CDH22: variants seen among roughly 807,000 people sequenced by gnomAD.
CDH22 encodes the protein cadherin 22.
In CDH22, 30 loss-of-function variants were observed where a neutral mutation model predicts 58.4. That is an observed-to-expected ratio of 0.51 (90% CI 0.38 to 0.70). The LOEUF (loss-of-function observed/expected upper bound fraction) is 0.70, where lower values mean the gene tolerates loss of function less well. Among genes scored for constraint, CDH22 ranks in the 30% least tolerant of loss-of-function variants. CDH22 has a pLI of 0.00. For synonymous variants in CDH22, 513 were observed against 558.2 expected (o/e 0.92, Z 1.14); for missense variants, 1,014 against 1,233.9 (o/e 0.82, Z 2.67).
intron 1 of CDH22, among the ~76,000 whole-genome samples, chr20:46,254,972 G>A (rs2086399470): frequency 6.6e-6 from 1 of 152,188 alleles, no homozygotes; most frequent in African/African-American, 2.4e-5. Flanking sequence ...TAGAAGGGCT[G>A]TCCAAGGCAA....
intron 7 of CDH22, among the ~76,000 whole-genome samples, chr20:46,203,922 G>A (rs371362027): frequency 6.6e-6 from 1 of 152,162 alleles, no homozygotes; most frequent in South Asian, 2.1e-4. Flanking sequence ...TGGGGGAATA[G>A]GGAGAGAATA....
chr20:46,206,934 A>C (rs1482317706), intron 7 of CDH22, among the ~76,000 whole-genome samples: 1 of 151,938 alleles, frequency 6.6e-6, no homozygotes, highest in Non-Finnish European at 1.5e-5. Flanking sequence ...AGCGAGCTGG[A>C]CTCTGGCAGC....
chr20:46,308,035 G>A lies in CDH22; in HGVS notation c.-400+220C>T, dbSNP rs1202179661. Among the ~76,000 whole-genome samples, 1 of 151,710 alleles carries A rather than the reference G, an allele frequency of 6.6e-6. No homozygotes were observed. Among genetic ancestry groups the A allele is most frequent in the Non-Finnish European group, 1.5e-5 (1 of 67,826 alleles). ...GAGAGGCGGCTCGGCTCCGCGCCGG[G>A]GAAAGTTTGGACGTGGGAAACTCCC... On this transcript the variant is annotated intron_variant, in intron 1 of 11. Coordinates refer to ENST00000537909, the MANE Select transcript of CDH22 (RefSeq NM_021248.3). The surrounding 1 kb of genome is among the most constrained non-coding windows in gnomAD (Gnocchi z 4.3).
intron 1 of CDH22, among the ~76,000 whole-genome samples, chr20:46,277,102 G>C (rs540619483): frequency 2.7e-5 from 4 of 150,756 alleles, no homozygotes; most frequent in Admixed American, 2.6e-4. Flanking sequence ...CAGCCTAGGC[G>C]ACATAGCGAG....
chr20:46,285,536 C>G lies in CDH22; in HGVS notation c.-400+22719G>C, dbSNP rs901696273. 2.6e-5 allele frequency among the ~76,000 whole-genome samples: 4 copies of G among 152,290 alleles called. No homozygotes were observed. In the East Asian group the frequency reaches 7.7e-4, roughly 29 times the overall value. On this transcript the variant is annotated intron_variant, in intron 1 of 11. Coordinates refer to ENST00000537909, the MANE Select transcript of CDH22 (RefSeq NM_021248.3). Reference sequence around the variant, plus strand: ...CCAAAGTGCCCAGGACACCTTCCCCCCAAACACCCATACACAAAATAATTA... The same window carrying G: ...CCAAAGTGCCCAGGACACCTTCCCCGCAAACACCCATACACAAAATAATTA...
chr20:46,199,907 T>C (rs1600693062), intron 7 of CDH22, among the ~76,000 whole-genome samples: 1 of 151,470 alleles, frequency 6.6e-6, no homozygotes, highest in Non-Finnish European at 1.5e-5. Context: ...TCTTTTCTTT[T>C]CTTCTTTCTT....
intron 1 of CDH22, among the ~76,000 whole-genome samples, chr20:46,302,356 C>A (rs2086656038): frequency 6.6e-6 from 1 of 152,108 alleles, no homozygotes; most frequent in Non-Finnish European, 1.5e-5. Context: ...ACAGCAGCAG[C>A]CTTCTACGCA....
At chr20:46,197,317 T>TATATATAC (rs573324791) in intron 8 of CDH22, among the ~76,000 whole-genome samples, 20 of 148,238 alleles carry the variant, frequency 1.3e-4, no homozygotes, top group African/African-American at 4.4e-4. Context: ...TATATATATA[T>TATATATAC]ACATATGAAG....
In CDH22 at chr20:46,216,636, G is replaced by T. The variant is rs970983103; in HGVS notation, c.838+190C>A. The stretch of plus-strand genomic sequence containing the variant: ...TCGGACAGCCCTGGGGTCTTCCTTG[G>T]TAGGAAGCATGGTTGGAGGGGGGCT... On this transcript the variant is annotated intron_variant, in intron 5 of 11. Coordinates refer to ENST00000537909, the MANE Select transcript of CDH22 (RefSeq NM_021248.3). The surrounding 1 kb of genome is among the most constrained non-coding windows in gnomAD (Gnocchi z 5.3). Among the ~76,000 whole-genome samples the T allele has an allele frequency of 6.6e-6, 1 of 152,102 alleles. No individual in the cohort carries two copies. Among genetic ancestry groups the T allele is most frequent in the African/African-American group, 2.4e-5 (1 of 41,410 alleles).
In CDH22 at chr20:46,300,869, A is replaced by G. The variant is rs966624960; in HGVS notation, c.-400+7386T>C. ...TGTTCATGGCAGAATTGTTTGTAAT[A>G]GCGAAGGACTGGAAACAACCCAAAT... is the stretch of plus-strand genomic sequence containing the variant. On this transcript the variant is annotated intron_variant, in intron 1 of 11. Transcript: ENST00000537909. This position sits in a 1 kb window ranked among gnomAD's most constrained non-coding sequence, Gnocchi z 4.4. Among the ~76,000 whole-genome samples the G allele has an allele frequency of 2.8e-4, 42 of 152,196 alleles. No individual in the cohort carries two copies. The highest frequency in any genetic ancestry group is 1.3e-4 in the Admixed American group (2 of 15,284).
rs778330224 is a variant in CDH22, at chr20:46,174,456, G to A, written c.*50C>T. On this transcript the variant is annotated 3_prime_UTR_variant, in exon 12 of 12. Coordinates refer to ENST00000537909, the MANE Select transcript of CDH22 (RefSeq NM_021248.3). This position sits in a 1 kb window ranked among gnomAD's most constrained non-coding sequence, Gnocchi z 4.4. ...GGGAAACGCGTTGTCCTGGGGCCCCGGCGTGTGCTGGGCGGGTGAGCAGCC... is the reference window on the plus strand; with the variant it reads ...GGGAAACGCGTTGTCCTGGGGCCCCAGCGTGTGCTGGGCGGGTGAGCAGCC... The A allele has an allele frequency of 5.4e-6, 7 of 1,288,462 alleles. No individual in the cohort carries two copies. Among genetic ancestry groups the A allele is most frequent in the African/African-American group, 3.1e-5 (2 of 63,554 alleles). The allele number at this position is 1,288,462 out of a possible 1,614,324, so 79.8% of individuals were successfully genotyped here. A position where few individuals can be genotyped will look rare whatever the true frequency, so the allele number is the denominator to read the frequency against.
intron 8 of CDH22, among the ~76,000 whole-genome samples, chr20:46,193,575 T>C (rs2085877087): frequency 6.6e-6 from 1 of 152,110 alleles, no homozygotes; most frequent in Non-Finnish European, 1.5e-5. Flanking sequence ...CCCTGTCACC[T>C]CCAGGAGATG....
chr20:46,257,236 G>A (rs927078693), intron 1 of CDH22, among the ~76,000 whole-genome samples: 1 of 152,064 alleles, frequency 6.6e-6, no homozygotes, highest in Non-Finnish European at 1.5e-5. Context: ...ACCTGAGCTT[G>A]GGGAGGTCGA....
At chr20:46,189,963 T>A (rs1467401) in intron 8 of CDH22, among the ~76,000 whole-genome samples, 9,373 of 151,538 alleles carry the variant, frequency 0.062, 564 homozygotes, top group African/African-American at 0.15. Flanking sequence ...TTTTTTTTTT[T>A]AAACAGCTCC....
At chr20:46,291,485 T>A (rs1462740097) in intron 1 of CDH22, among the ~76,000 whole-genome samples, 2 of 152,190 alleles carry the variant, frequency 1.3e-5, no homozygotes, top group African/African-American at 4.8e-5. Context: ...GTAAGTTGCA[T>A]AAGATCCCAT....
intron 1 of CDH22, among the ~76,000 whole-genome samples, chr20:46,260,352 G>A (rs930289476): frequency 1.3e-5 from 2 of 152,124 alleles, no homozygotes; most frequent in African/African-American, 4.8e-5. Flanking sequence ...GCCACTCTAG[G>A]TCTTGAATCC....
chr20:46,225,941 G>C (rs140190075), intron 4 of CDH22, among the ~76,000 whole-genome samples: 159 of 152,102 alleles, frequency 1.0e-3, no homozygotes, highest in African/African-American at 3.6e-3. Context: ...TTCTCCCCCA[G>C]ACAAAGGAAA....
chr20:46,213,315 A>G, intron 5 of CDH22, 127 bp from the exon 6 acceptor site: 1 of 648,064 alleles, frequency 1.5e-6, no homozygotes, highest in South Asian at 1.9e-5. Context: ...AGGGGCTCTC[A>G]GCTTGGCCAG....
intron 1 of CDH22, among the ~76,000 whole-genome samples, chr20:46,263,753 T>C (rs1442487545): frequency 6.6e-6 from 1 of 152,102 alleles, no homozygotes; most frequent in Admixed American, 6.5e-5. Context: ...GGGAAACAGC[T>C]GAGGACGGGC....
Sources: allele counts gnomAD v4.1 joint callset (sites outside exome capture counted in the v4.1 genomes callset), GRCh38; gene constraint gnomAD v4.1.1; non-coding constraint Gnocchi (gnomAD v3.1); transcripts MANE v1.5; gene names NCBI Gene and HGNC (gene_info 2026-07-23, HGNC 2026-07-21).